The following GPR39 variants were observed in gnomAD, a reference collection of about 807,000 sequenced individuals.
The protein encoded by GPR39 is zinc sensing receptor.
GPR39 carries 23 observed loss-of-function variants against 18.4 expected under a neutral mutation model. The observed-to-expected ratio is 1.25, with a 90% confidence interval of 0.90 to 1.77. GPR39 has a LOEUF of 1.77. Ranked by LOEUF, GPR39 falls within the 40% of genes most tolerant of loss-of-function variation. The pLI is 0.00. For missense variants in GPR39, 647 were observed against 602.4 expected, an observed-to-expected ratio of 1.07 and a Z score of -0.78; for synonymous variants, 280 against 257.9, an observed-to-expected ratio of 1.09 and a Z score of -0.82.
chr2:132,544,246 C>T (rs1679905344), intron 1 of GPR39, among the ~76,000 whole-genome samples: 1 of 152,174 alleles, frequency 6.6e-6, no homozygotes, highest in Admixed American at 6.5e-5. Context: ...TATCAGGTTG[C>T]TTGTTTGCTT....
At chr2:132,563,500 T>C (rs1191189572) in intron 1 of GPR39, among the ~76,000 whole-genome samples, 1 of 151,912 alleles carries the variant, frequency 6.6e-6, no homozygotes, top group Non-Finnish European at 1.5e-5. Flanking sequence ...ATAAAATGAG[T>C]ATCCTGTTTA....
intron 1 of GPR39, among the ~76,000 whole-genome samples, chr2:132,499,006 G>A (rs934869499): frequency 6.6e-6 from 1 of 152,146 alleles, no homozygotes; most frequent in African/African-American, 2.4e-5. Flanking sequence ...CACTCTGTGG[G>A]TTGTCTGTTA....
At chr2:132,435,466 A>G (rs1680296703) in intron 1 of GPR39, among the ~76,000 whole-genome samples, 1 of 152,226 alleles carries the variant, frequency 6.6e-6, no homozygotes, top group African/African-American at 2.4e-5. Flanking sequence ...ACATACACAA[A>G]ATATGTGTTA....
intron 1 of GPR39, among the ~76,000 whole-genome samples, chr2:132,453,213 G>A (rs1469305699): frequency 6.6e-6 from 1 of 152,164 alleles, no homozygotes; most frequent in Non-Finnish European, 1.5e-5. Flanking sequence ...GTTTTGATTT[G>A]CATTTCTCTG....
intron 1 of GPR39, among the ~76,000 whole-genome samples, chr2:132,470,967 T>C (rs1386855839): frequency 6.6e-6 from 1 of 152,194 alleles, no homozygotes; most frequent in Admixed American, 6.5e-5. Flanking sequence ...GCCTCATCCT[T>C]TGGGCATAAC....
intron 1 of GPR39, among the ~76,000 whole-genome samples, chr2:132,589,340 G>A (rs1680788293): frequency 6.6e-6 from 1 of 152,190 alleles, no homozygotes; most frequent in Admixed American, 6.5e-5. Flanking sequence ...AGTCTCCCAT[G>A]GATCACTGGG....
chr2:132,618,810 T>C (rs1167413795), intron 1 of GPR39, among the ~76,000 whole-genome samples: 1 of 152,254 alleles, frequency 6.6e-6, no homozygotes, highest in African/African-American at 2.4e-5. Flanking sequence ...GCCAGGCTGC[T>C]GGCCTGTGGT....
At chr2:132,613,374 C>G (rs932820285) in intron 1 of GPR39, among the ~76,000 whole-genome samples, 1 of 152,196 alleles carries the variant, frequency 6.6e-6, no homozygotes, top group Non-Finnish European at 1.5e-5. Flanking sequence ...AGAAAACTGT[C>G]CCTTTCTCCA....
chr2:132,628,000 A>G (rs1681582554), intron 1 of GPR39, among the ~76,000 whole-genome samples: 1 of 152,200 alleles, frequency 6.6e-6, no homozygotes. Flanking sequence ...AAAGTGGCTC[A>G]GGTGTTATAT....
At chr2:132,481,360 G>A (rs112796054) in intron 1 of GPR39, among the ~76,000 whole-genome samples, 10 of 152,188 alleles carry the variant, frequency 6.6e-5, no homozygotes, top group Non-Finnish European at 1.5e-5. Context: ...GGAGGGTAAC[G>A]AAATAGACTG....
intron 1 of GPR39, among the ~76,000 whole-genome samples, chr2:132,445,358 T>A (rs10195340): frequency 0.51 from 76,966 of 152,026 alleles, 21,172 homozygotes; most frequent in Non-Finnish European, 0.62. Context: ...AAGAAACTGA[T>A]TCATATCCCT....
intron 1 of GPR39, among the ~76,000 whole-genome samples, chr2:132,593,396 A>G (rs1420365098): frequency 6.6e-6 from 1 of 152,178 alleles, no homozygotes; most frequent in African/African-American, 2.4e-5. Flanking sequence ...CTATCTCATT[A>G]GCAACAACTA....
intron 1 of GPR39, among the ~76,000 whole-genome samples, chr2:132,472,760 C>T (rs909916733): frequency 7.2e-5 from 11 of 152,102 alleles, no homozygotes; most frequent in Non-Finnish European, 1.2e-4. Flanking sequence ...ATTGTGACTA[C>T]ACGCACTTGG....
intron 1 of GPR39, among the ~76,000 whole-genome samples, chr2:132,633,991 AGAT>A (rs775512905): frequency 6.9e-6 from 1 of 145,736 alleles, no homozygotes; most frequent in African/African-American, 2.6e-5. Context: ...GTAGAGGTGG[AGAT>A]GATGATGGTG....
chr2:132,519,654 G>T (rs758079726), intron 1 of GPR39, among the ~76,000 whole-genome samples: 51 of 152,062 alleles, frequency 3.4e-4, no homozygotes, highest in African/African-American at 9.7e-4. Flanking sequence ...CAGGATAGGG[G>T]CATGGGGGAG....
chr2:132,468,194 T>A (rs746337915), intron 1 of GPR39, among the ~76,000 whole-genome samples: 2 of 152,238 alleles, frequency 1.3e-5, no homozygotes, highest in Non-Finnish European at 2.9e-5. Flanking sequence ...ATATTTCAAG[T>A]ACCTGTGGTT....
intron 1 of GPR39, among the ~76,000 whole-genome samples, chr2:132,527,696 G>A (rs557289119): frequency 1.3e-5 from 2 of 152,262 alleles, no homozygotes; most frequent in African/African-American, 2.4e-5. Context: ...GATCAGTGAC[G>A]TTGAGCTTTT....
At chr2:132,506,690 A>G (rs563277246) in intron 1 of GPR39, among the ~76,000 whole-genome samples, 2 of 152,292 alleles carry the variant, frequency 1.3e-5, no homozygotes, top group African/African-American at 4.8e-5. Context: ...TTCACTCACT[A>G]TCACAAGAAC....
intron 1 of GPR39, among the ~76,000 whole-genome samples, chr2:132,474,477 C>T (rs574156199): frequency 6.6e-5 from 10 of 152,274 alleles, no homozygotes; most frequent in Middle Eastern, 3.4e-3. Flanking sequence ...AGCTGACTTA[C>T]GTCTGGAAAC....
Sources: allele counts gnomAD v4.1 joint callset (sites outside exome capture counted in the v4.1 genomes callset), GRCh38; gene constraint gnomAD v4.1.1; transcripts MANE v1.5; gene names NCBI Gene and HGNC (gene_info 2026-07-23, HGNC 2026-07-21).